Variants in HLTF observed in about 807,000 individuals in gnomAD.
HLTF encodes the protein helicase like transcription factor, also known as DNA-dependent ATPase/E3 ubiquitin-protein ligase HLTF.
Under a neutral mutation model 129.4 loss-of-function variants are expected in HLTF, and 127 were observed. The observed-to-expected ratio is 0.98, with a 90% confidence interval of 0.85 to 1.14. HLTF has a LOEUF of 1.14. HLTF is among the 50% of genes most tolerant of loss of function. The probability of loss-of-function intolerance (pLI) is 0.00; values close to 1 mark genes in which losing one functional copy is unlikely to be tolerated. For synonymous variants in HLTF, 332 were observed against 388.8 expected (o/e 0.85, Z 1.72); for missense variants, 1,139 against 1,187.1 (o/e 0.96, Z 0.60).
intron 6 of HLTF, 57 bp downstream of exon 6, chr3:149,071,526 T>C: frequency 6.8e-7 from 1 of 1,470,130 alleles, no homozygotes; most frequent in East Asian, 2.3e-5. Context: ...AAAAAGTAGA[T>C]TCTAAGTATA....
intron 1 of HLTF, 68 bp from the exon 2 acceptor site, chr3:149,084,957 T>C (rs899084082): frequency 1.0e-5 from 11 of 1,083,430 alleles, no homozygotes; most frequent in Non-Finnish European, 1.5e-5. Context: ...ATATGAGTAG[T>C]TTTCTCATGC....
At chr3:149,048,590 A>G (rs950445308) in intron 16 of HLTF, among the ~76,000 whole-genome samples, 5 of 152,228 alleles carry the variant, frequency 3.3e-5, no homozygotes, top group Non-Finnish European at 7.3e-5. Flanking sequence ...CTGGATGACT[A>G]GAGTGTCTAC....
chr3:149,035,765 A>C (rs911914977), intron 23 of HLTF, among the ~76,000 whole-genome samples: 1 of 151,688 alleles, frequency 6.6e-6, no homozygotes, highest in Non-Finnish European at 1.5e-5. Context: ...CGTTAGTTTG[A>C]CTTTAAAGCT....
chr3:149,070,361 A>G (rs1718744508), intron 7 of HLTF, among the ~76,000 whole-genome samples: 1 of 152,214 alleles, frequency 6.6e-6, no homozygotes, highest in Admixed American at 6.5e-5. Flanking sequence ...AAACACAGAG[A>G]TGTGCAAAAA....
intron 18 of HLTF, among the ~76,000 whole-genome samples, chr3:149,043,485 G>C (rs1207862687): frequency 7.9e-6 from 1 of 126,302 alleles, no homozygotes; most frequent in East Asian, 2.6e-4. Flanking sequence ...GGAATCTAAA[G>C]ATTTAAATAA....
chr3:149,076,558 G>C (rs1337483267), intron 2 of HLTF, among the ~76,000 whole-genome samples: 1 of 152,146 alleles, frequency 6.6e-6, no homozygotes, highest in African/African-American at 2.4e-5. Context: ...CACACAGGGT[G>C]GTTCCTGAGC....
intron 8 of HLTF, among the ~76,000 whole-genome samples, chr3:149,067,778 G>A (rs1718521576): frequency 6.6e-6 from 1 of 152,052 alleles, no homozygotes; most frequent in Non-Finnish European, 1.5e-5. Flanking sequence ...CTTAGAAATG[G>A]CATTATTGAC....
chr3:149,033,306 T>C (rs1715290659), intron 24 of HLTF, among the ~76,000 whole-genome samples: 1 of 152,132 alleles, frequency 6.6e-6, no homozygotes, highest in Non-Finnish European at 1.5e-5. Flanking sequence ...GATACTATGT[T>C]CCTGTATGGA....
intron 24 of HLTF, among the ~76,000 whole-genome samples, chr3:149,034,028 T>C (rs757663949): frequency 2.0e-5 from 3 of 152,142 alleles, no homozygotes; most frequent in Admixed American, 6.5e-5. Flanking sequence ...ATTTGTACCA[T>C]AACTATGAGA....
At chr3:149,044,195 T>A (rs1385130021) in intron 18 of HLTF, among the ~76,000 whole-genome samples, 4 of 152,126 alleles carry the variant, frequency 2.6e-5, no homozygotes, top group Admixed American at 2.6e-4. Flanking sequence ...TGTGAATACA[T>A]TTAAAGCACT....
At chr3:149,032,974 A>C (rs61044528) in intron 24 of HLTF, among the ~76,000 whole-genome samples, 44,036 of 142,844 alleles carry the variant, frequency 0.31, 6,641 homozygotes, top group African/African-American at 0.38. Context: ...AAAAAAAAAA[A>C]AAACAAAAAA....
In HLTF at chr3:149,035,017, A is replaced by G; in HGVS notation, c.2797-19T>C. The G allele has an allele frequency of 1.3e-6, 2 of 1,563,080 alleles. No individual in the cohort carries two copies. The highest frequency in any genetic ancestry group is 2.2e-5 in the South Asian group (2 of 90,122). ...TCCAGGCCTAACAAGAACATGGATGAGTTACTTTACTACTGCCCTGATCTT... is the reference window on the plus strand; with the variant it reads ...TCCAGGCCTAACAAGAACATGGATGGGTTACTTTACTACTGCCCTGATCTT... On this transcript the variant is annotated intron_variant, in intron 23 of 24. Transcript: ENST00000310053.
chr3:149,075,955 T>G lies in HLTF; in HGVS notation c.321A>C (p.Gln107His). The change falls in exon 3 of 25, where the codon CAA becomes CAC. Residue 107 changes from glutamine to histidine, a missense_variant. Coordinates refer to ENST00000310053, the MANE Select transcript of HLTF (RefSeq NM_003071.4). The stretch of plus-strand genomic sequence containing the variant: ...CAAGCTCTTTCTTTAAATGGCCAAC[T>G]TGATTTCCATTCACATTGTTTACTT... Reference protein sequence around the residue: ...AIKVNNVNGNQVGHLKKELAG... With the variant: ...AIKVNNVNGNHVGHLKKELAG... The G allele has an allele frequency of 6.3e-7, 1 of 1,590,006 alleles. No homozygotes were observed. Among genetic ancestry groups the G allele is most frequent in the Non-Finnish European group, 8.6e-7 (1 of 1,158,770 alleles).
In HLTF at chr3:149,031,866, T is replaced by C. The variant is rs1715085165; in HGVS notation, c.*354A>G. 6.4e-6 allele frequency: 1 copy of C among 157,056 alleles called. No homozygotes were observed. The highest frequency in any genetic ancestry group is 2.4e-5 in the African/African-American group (1 of 41,626). The allele number at this position is 157,056 out of a possible 1,614,324, so 9.7% of individuals were successfully genotyped here. On this transcript the variant is annotated 3_prime_UTR_variant, in exon 25 of 25. Coordinates refer to ENST00000310053, the MANE Select transcript of HLTF (RefSeq NM_003071.4). ...CTAAGTGTCCAACATAGAAAATAACTATTTGGTCAAAAGTATAAAAGGTCT... is the reference window on the plus strand; with the variant it reads ...CTAAGTGTCCAACATAGAAAATAACCATTTGGTCAAAAGTATAAAAGGTCT...
intron 13 of HLTF, among the ~76,000 whole-genome samples, chr3:149,056,528 T>C (rs1717446482): frequency 6.6e-6 from 1 of 152,202 alleles, no homozygotes; most frequent in Admixed American, 6.5e-5. Flanking sequence ...AACTTGCTTT[T>C]TTCTCTCAGT....
Position 149,046,091 on chromosome 3 carries a change from G to T in HLTF, c.2061C>A (p.Ala687=). Residue 687 remains alanine, a synonymous_variant, in exon 18 of 25, where the codon GCC becomes GCA. Coordinates refer to ENST00000310053, the MANE Select transcript of HLTF (RefSeq NM_003071.4). ...IYQSVKNEGR[A]TIGRYFNEGT... ...TTCTTTCTCCATACCTTCCAATAGT[G>T]GCTCTGCCTTCATTTTTCACAGACT... 6.2e-7 allele frequency: 1 copy of T among 1,606,460 alleles called. No individual in the cohort carries two copies. The highest frequency in any genetic ancestry group is 8.5e-7 in the Non-Finnish European group (1 of 1,177,054).
chr3:149,064,314 A>G (rs1314194769), intron 9 of HLTF, among the ~76,000 whole-genome samples: 1 of 152,210 alleles, frequency 6.6e-6, no homozygotes, highest in African/African-American at 2.4e-5. Flanking sequence ...AAATATTTTC[A>G]GTCTGCTCTA....
intron 14 of HLTF, 104 bp downstream of exon 14, chr3:149,055,199 G>T: frequency 1.4e-6 from 1 of 719,674 alleles, no homozygotes; most frequent in South Asian, 2.1e-5. Flanking sequence ...ACGAACTGAT[G>T]ACCAAGTATA....
chr3:149,068,286 C>A lies in HLTF; in HGVS notation c.944G>T (p.Gly315Val). 1 of 1,575,798 alleles carries A rather than the reference C, an allele frequency of 6.3e-7. No individual in the cohort carries two copies. The highest frequency in any genetic ancestry group is 1.4e-5 in the African/African-American group (1 of 73,808). ...AACTCTTTCAATAGGAAGAGGTCTG[C>A]CATCATGGAAGTTGGTAAGGATTAC... Reference protein sequence around the residue: ...IAVILTNFHDGRPLPIERVKK... With the variant: ...IAVILTNFHDVRPLPIERVKK... The change falls in exon 8 of 25, where the codon GGC (glycine) becomes GTC (valine). Residue 315 changes from glycine (G) to valine (V), a missense_variant. Gly to Val is a moderately radical substitution (Grantham distance 109). Coordinates refer to ENST00000310053, the MANE Select transcript of HLTF (RefSeq NM_003071.4).
Sources: allele counts gnomAD v4.1 joint callset (sites outside exome capture counted in the v4.1 genomes callset), GRCh38; gene constraint gnomAD v4.1.1; transcripts MANE v1.5; gene names NCBI Gene and HGNC (gene_info 2026-07-23, HGNC 2026-07-21).